The following ETNPPL variants were observed in gnomAD, a reference collection of about 807,000 sequenced individuals.
ETNPPL encodes the protein alanine--glyoxylate aminotransferase 2-like 1.
Under a neutral mutation model 55.5 loss-of-function variants are expected in ETNPPL, and 30 were observed. The observed-to-expected ratio is 0.54, with a 90% CI of 0.40 to 0.73. The LOEUF is 0.73. Ranked by LOEUF, ETNPPL falls within the 30% of genes least tolerant of loss-of-function variation. ETNPPL has a pLI of 0.00. For missense variants in ETNPPL, 528 were observed against 607.9 expected, an observed-to-expected ratio of 0.87 and a Z score of 1.38; for synonymous variants, 202 against 207.2, an observed-to-expected ratio of 0.98 and a Z score of 0.21.
rs1208473936 is a variant in ETNPPL, at chr4:108,756,432, C to G, written c.396G>C (p.Val132=). The G allele has an allele frequency of 6.2e-7, 1 of 1,613,796 alleles. No homozygotes were observed. Among genetic ancestry groups the G allele is most frequent in the Admixed American group, 1.7e-5 (1 of 60,026 alleles). ...CCAAGACTTACTGGTCAAGAGTGAT[C>G]ACATCCTGGTGGCCTCTGAACTGCC... is the stretch of plus-strand genomic sequence containing the variant. ...LARQFRGHQD[V]ITLDHAYHGH... Residue 132 remains valine (V), a synonymous_variant, in exon 4 of 13, where the codon GTG becomes GTC. Coordinates refer to ENST00000296486, the MANE Select transcript of ETNPPL (RefSeq NM_031279.4).
intron 11 of ETNPPL, among the ~76,000 whole-genome samples, chr4:108,744,527 G>C (rs1364724157): frequency 6.6e-6 from 1 of 151,992 alleles, no homozygotes; most frequent in African/African-American, 2.4e-5. Context: ...TGTGAGGAAT[G>C]CTTGCCAGGT....
intron 8 of ETNPPL, among the ~76,000 whole-genome samples, chr4:108,748,940 A>C (rs1363118123): frequency 6.6e-6 from 1 of 152,150 alleles, no homozygotes; most frequent in African/African-American, 2.4e-5. Flanking sequence ...GCCATATCTA[A>C]TGCATGTGGG....
chr4:108,754,849 T>C (rs1729122929), intron 4 of ETNPPL, 139 bp from the exon 5 acceptor site: 3 of 623,290 alleles, frequency 4.8e-6, no homozygotes, highest in South Asian at 1.9e-5. Context: ...GATTTGACTA[T>C]ATGGGATCTA....
chr4:108,748,133 A>T lies in ETNPPL; in HGVS notation c.954T>A (p.Ala318=), dbSNP rs148935449. 2.1e-5 allele frequency: 34 copies of T among 1,600,390 alleles called. No individual in the cohort carries two copies. Among genetic ancestry groups the T allele is most frequent in the Non-Finnish European group, 2.8e-5 (33 of 1,176,384 alleles). Residue 318 remains alanine (A), a synonymous_variant, in exon 9 of 13, where the codon GCT becomes GCA. Coordinates refer to ENST00000296486, the MANE Select transcript of ETNPPL (RefSeq NM_031279.4). ...TTATATCCAGGACAGCCAAACCAAC[A>T]GCACAAGATACTGGATTTCCTCCAT... ...NTYGGNPVSC[A]VGLAVLDIIE...
intron 11 of ETNPPL, 119 bp from the exon 12 acceptor site, chr4:108,743,975 A>G: frequency 1.4e-6 from 1 of 698,442 alleles, no homozygotes; most frequent in Non-Finnish European, 2.5e-6. Context: ...ATGTGTTAAA[A>G]GAATGGGCTG....
At chr4:108,751,958 A>C (rs1728932990) in intron 6 of ETNPPL, among the ~76,000 whole-genome samples, 1 of 152,226 alleles carries the variant, frequency 6.6e-6, no homozygotes, top group Non-Finnish European at 1.5e-5. Context: ...TGTTAATGTA[A>C]ATTTTTTCCT....
intron 4 of ETNPPL, among the ~76,000 whole-genome samples, chr4:108,756,075 T>G (rs1019216583): frequency 2.0e-5 from 3 of 152,230 alleles, no homozygotes; most frequent in African/African-American, 7.2e-5. Context: ...TTGAAATTAA[T>G]TGTATTCTTA....
intron 6 of ETNPPL, 103 bp downstream of exon 6, chr4:108,752,792 G>A (rs1728974095): frequency 1.4e-6 from 1 of 700,146 alleles, no homozygotes; most frequent in East Asian, 2.7e-5. Flanking sequence ...AGAACAGAAA[G>A]GGACATTAGA....
chr4:108,755,098 T>G (rs1450440188), intron 4 of ETNPPL, among the ~76,000 whole-genome samples: 3 of 152,204 alleles, frequency 2.0e-5, no homozygotes, highest in Non-Finnish European at 4.4e-5. Context: ...ATGTGTTACA[T>G]TCTAGTAAAT....
chr4:108,756,058 A>G (rs529285392), intron 4 of ETNPPL, among the ~76,000 whole-genome samples: 4 of 152,330 alleles, frequency 2.6e-5, no homozygotes, highest in African/African-American at 9.6e-5. Context: ...GAATGCTTGA[A>G]CTTTTTTTGA....
intron 10 of ETNPPL, 48 bp from the exon 11 acceptor site, chr4:108,746,577 G>A (rs772463941): frequency 1.9e-6 from 3 of 1,587,276 alleles, no homozygotes; most frequent in East Asian, 4.5e-5. Context: ...GGATAACTAC[G>A]ATTACTGAAG....
At chr4:108,756,339 G>T in intron 4 of ETNPPL, 79 bp downstream of exon 4, 1 of 922,228 alleles carries the variant, frequency 1.1e-6, no homozygotes, top group Non-Finnish European at 1.8e-6. Context: ...ATGCGTTCAT[G>T]GTATTAGTAT....
intron 3 of ETNPPL, among the ~76,000 whole-genome samples, chr4:108,756,847 C>T (rs1265812721): frequency 6.6e-6 from 1 of 151,978 alleles, no homozygotes; most frequent in Non-Finnish European, 1.5e-5. Context: ...CAAAAAAAAA[C>T]ATTTAGGATG....
At chr4:108,744,714 A>ATTTTTT (rs1560647930) in intron 11 of ETNPPL, among the ~76,000 whole-genome samples, 2 of 132,638 alleles carry the variant, frequency 1.5e-5, no homozygotes, top group African/African-American at 3.4e-5. Flanking sequence ...GAGAAGTTGA[A>ATTTTTT]ATTTTTTTTT....
Position 108,742,133 on chromosome 4 carries a change from A to G in ETNPPL, c.*351T>C, listed in dbSNP as rs1728246911. On this transcript the variant is annotated 3_prime_UTR_variant, in exon 13 of 13. Coordinates refer to ENST00000296486, the MANE Select transcript of ETNPPL (RefSeq NM_031279.4). ...ATAGAATACATATTTTAAGGCACTA[A>G]GTCTCAAAAGTGAAGGCACCTGTTA... 1 of 166,226 alleles carries G rather than the reference A, an allele frequency of 6.0e-6. No homozygotes were observed. The allele number at this position is 166,226 out of a possible 1,614,324, so 10.3% of individuals were successfully genotyped here.
chr4:108,743,870 G>A lies in ETNPPL; in HGVS notation c.1304-14C>T, dbSNP rs200769688. ...CTTCTTCTAAAACTGAATCAAGGAA[G>A]GTATTATGGAGAAGACAAAATAACA... On this transcript the variant is annotated splice_polypyrimidine_tract_variant and intron_variant, in intron 11 of 12. Transcript: ENST00000296486. The A allele has an allele frequency of 2.5e-6, 4 of 1,575,918 alleles. No homozygotes were observed. The African/African-American group carries it at 5.5e-5, about 22-fold the overall frequency.
intron 1 of ETNPPL, chr4:108,762,590 C>T: frequency 1.6e-6 from 1 of 629,234 alleles, no homozygotes; most frequent in African/African-American, 1.8e-5. Context: ...GCAGCCCCCG[C>T]TAGTCCGCCG....
chr4:108,747,148 A>ATATATATAT (rs1491176665), intron 9 of ETNPPL, among the ~76,000 whole-genome samples: 3 of 35,420 alleles, frequency 8.5e-5, no homozygotes, highest in Non-Finnish European at 9.9e-5. Context: ...ATATATATAT[A>ATATATATAT]ATATATATAT....
At position 108,762,720 on chromosome 4, in the gene ETNPPL, G is replaced by A. The variant is rs1301385082; in HGVS notation, c.56+123C>T. The A allele has an allele frequency of 1.1e-5, 14 of 1,233,086 alleles. No homozygotes were observed. The South Asian group carries it at 1.4e-4, about 13-fold the overall frequency. The allele number at this position is 1,233,086 out of a possible 1,614,324, so 76.4% of individuals were successfully genotyped here. ...GGAGGCGCGCGGGGCGCGTGCACAG[G>A]CGCGGCGGGCACGGAGTGCGGCTGC... On this transcript the variant is annotated intron_variant, in intron 1 of 12. Coordinates refer to ENST00000296486, the MANE Select transcript of ETNPPL (RefSeq NM_031279.4).
Sources: allele counts gnomAD v4.1 joint callset (sites outside exome capture counted in the v4.1 genomes callset), GRCh38; gene constraint gnomAD v4.1.1; transcripts MANE v1.5; gene names NCBI Gene and HGNC (gene_info 2026-07-23, HGNC 2026-07-21).